The following PPOX variants were observed in gnomAD, a reference collection of about 807,000 sequenced individuals.
The protein encoded by PPOX is protoporphyrinogen oxidase, also known as variegate porphyria.
A neutral mutation model predicts 54.1 loss-of-function variants in PPOX; 23 were observed. The ratio of observed to expected loss-of-function variants is 0.43; its 90% CI spans 0.31 to 0.60. The LOEUF (loss-of-function observed/expected upper bound fraction) is 0.60. Ranked by LOEUF, PPOX falls within the 20% of genes least tolerant of loss-of-function variation. The pLI is 0.13. For missense variants in PPOX, 512 were observed against 601.1 expected, an observed-to-expected ratio of 0.85 and a Z score of 1.55; for synonymous variants, 224 against 236.1, an observed-to-expected ratio of 0.95 and a Z score of 0.47.
chr1:161,176,721 C>T (rs1055085223), intron 4 of PPOX: 1 of 728,762 alleles, frequency 1.4e-6, no homozygotes, highest in African/African-American at 1.8e-5. Flanking sequence ...GGTCCCTCGC[C>T]TATCTCCCGT....
At chr1:161,167,557 CTTTTT>C (rs397731347) in intron 4 of PPOX, 71 bp downstream of exon 4, 1,938 of 553,278 alleles carry the variant, frequency 3.5e-3, no homozygotes, top group East Asian at 5.5e-3. Flanking sequence ...TTCTTCTTTT[CTTTTT>C]TTTTTTTTTT....
chr1:161,177,341 C>T (rs191623447), downstream of PPOX: 6 of 485,188 alleles, frequency 1.2e-5, no homozygotes, highest in Non-Finnish European at 1.9e-5. Flanking sequence ...CGTCTCCAGG[C>T]GTTACCCAAA....
intron 11 of PPOX, 39 bp from the exon 12 acceptor site, chr1:161,170,868 A>C: frequency 6.2e-7 from 1 of 1,613,960 alleles, no homozygotes; most frequent in Admixed American, 1.7e-5. Context: ...TAGGACATCA[A>C]TAATAAACTT....
downstream of PPOX, chr1:161,171,940 G>A (rs1661594615): frequency 6.2e-7 from 1 of 1,614,208 alleles, no homozygotes; most frequent in Middle Eastern, 1.6e-4. Context: ...ACGTGGCCCA[G>A]AAGGAGCCCG....
At chr1:161,168,367 G>A (rs1490878507) in intron 5 of PPOX, 65 bp from the exon 6 acceptor site, 1 of 1,609,994 alleles carries the variant, frequency 6.2e-7, no homozygotes, top group East Asian at 2.2e-5. Flanking sequence ...CTACCAAATA[G>A]GGGCTGTGGA....
At position 161,169,041 on chromosome 1, in the gene PPOX, A is replaced by G. The variant is rs1317547948; in HGVS notation, c.665A>G (p.Glu222Gly). The change falls in exon 7 of 13, where the codon GAG (glutamate) becomes GGG (glycine). Residue 222 changes from glutamate (E) to glycine (G), a missense_variant. Glu to Gly is a moderately conservative substitution (Grantham distance 98). Coordinates refer to ENST00000367999, the MANE Select transcript of PPOX (RefSeq NM_001122764.3). The part of the protein sequence containing the change: ...DSALIRQALA[E>G]RWSQWSLRGG... ...GCACTCATTCGCCAGGCCTTGGCTG[A>G]GCGCTGGAGCCAGTGGTCACTTCGT... 3 of 1,614,210 alleles carry G rather than the reference A, an allele frequency of 1.9e-6. No individual in the cohort carries two copies. The highest frequency in any genetic ancestry group is 3.3e-5 in the Admixed American group (2 of 60,030).
downstream of PPOX, chr1:161,174,042 T>G (rs1209617337): frequency 6.2e-7 from 1 of 1,613,464 alleles, no homozygotes; most frequent in Non-Finnish European, 8.5e-7. Flanking sequence ...AAATGTTCCA[T>G]TTCCAGCCTG....
intron 9 of PPOX, 141 bp downstream of exon 9, chr1:161,170,165 A>C (rs1660679537): frequency 1.8e-6 from 2 of 1,101,148 alleles, no homozygotes; most frequent in Non-Finnish European, 2.6e-6. Context: ...TCTCTACGAA[A>C]AATACAAAAA....
At chr1:161,173,904 C>T (rs748981503), downstream of PPOX, 26 of 1,614,016 alleles carry the variant, frequency 1.6e-5, no homozygotes, top group African/African-American at 1.1e-4. Flanking sequence ...GCGGGGTCCC[C>T]GGGGGTCACA....
Position 161,170,627 on chromosome 1 carries a change from T to A in PPOX, c.1106T>A (p.Leu369Gln). Reference sequence around the variant, plus strand: ...GCTATATTCCCTCCTTAGGTGATGCTGGGAGGTTCCTGGTTACAGACACTG... The same window carrying A: ...GCTATATTCCCTCCTTAGGTGATGCAGGGAGGTTCCTGGTTACAGACACTG... ...SPPGLRVTVMLGGSWLQTLEA... is the reference protein window; with the variant it reads ...SPPGLRVTVMQGGSWLQTLEA... The change falls in exon 11 of 13, where the codon CTG (leucine) becomes CAG (glutamine). Residue 369 changes from leucine to glutamine, a missense_variant. Leu to Gln is a moderately radical substitution (Grantham distance 113, BLOSUM62 -2). Transcript: ENST00000367999. The A allele has an allele frequency of 6.2e-7, 1 of 1,614,194 alleles. No homozygotes were observed. Among genetic ancestry groups the A allele is most frequent in the South Asian group, 1.1e-5 (1 of 91,086 alleles).
At chr1:161,177,188 C>A, downstream of PPOX, 1 of 1,005,652 alleles carries the variant, frequency 9.9e-7, no homozygotes, top group Non-Finnish European at 1.4e-6. Context: ...GCGTGGTCCG[C>A]GCTGTGGAGG....
intron 8 of PPOX, 44 bp downstream of exon 8, chr1:161,169,764 A>G (rs780747686): frequency 6.2e-7 from 1 of 1,613,642 alleles, no homozygotes; most frequent in Non-Finnish European, 8.5e-7. Context: ...CCTACCAGTG[A>G]GAAGCAAAAG....
At position 161,171,088 on chromosome 1, in the gene PPOX, C is replaced by A. The variant is rs773740453; in HGVS notation, c.1346C>A (p.Ala449Asp). 2 of 1,614,136 alleles carry A rather than the reference C, an allele frequency of 1.2e-6. No homozygotes were observed. Among genetic ancestry groups the A allele is most frequent in the Non-Finnish European group, 1.7e-6 (2 of 1,180,042 alleles). ...AHRLPLTLAGASYEGVAVNDC... is the reference protein window; with the variant it reads ...AHRLPLTLAGDSYEGVAVNDC... ...AGGTTGCCCCTGACTCTGGCTGGAG[C>A]CTCCTATGAGGGAGTTGCTGTTAAT... Residue 449 changes from alanine to aspartate, a missense_variant, in exon 13 of 13, where the codon GCC becomes GAC. Physicochemically the swap from Ala to Asp is moderately radical, Grantham distance 126 (BLOSUM62 -2). Transcript: ENST00000367999.
intron 9 of PPOX, 38 bp downstream of exon 9, chr1:161,170,062 C>A: frequency 6.3e-7 from 1 of 1,588,072 alleles, no homozygotes; most frequent in South Asian, 1.1e-5. Context: ...CATGGTGGCT[C>A]ACACCTGTAA....
chr1:161,170,793 A>G, intron 11 of PPOX, 24 bp downstream of exon 11: 9 of 1,614,104 alleles, frequency 5.6e-6, no homozygotes, highest in Non-Finnish European at 7.6e-6. Flanking sequence ...AACTTCCCTC[A>G]GCTCTCCACT....
At position 161,176,541 on chromosome 1, in the gene PPOX, A is replaced by C. The variant is rs1270124786; in HGVS notation, c.373-308A>C. Reference sequence around the variant, plus strand: ...TGGAAATGTCACAGAGGGCAGAGAAAGGCTCCATCCAGCACTCCAGCAGCG... The same window carrying C: ...TGGAAATGTCACAGAGGGCAGAGAACGGCTCCATCCAGCACTCCAGCAGCG... On this transcript the variant is annotated intron_variant, in intron 4 of 4. Coordinates refer to the PPOX transcript ENST00000497522. 3 of 440,800 alleles carry C rather than the reference A, an allele frequency of 6.8e-6. No homozygotes were observed. In the Admixed American group the frequency reaches 1.2e-4, roughly 17 times the overall value. 27.3% of individuals were successfully genotyped at this position (440,800 alleles called of 1,614,324 possible).
chr1:161,177,289 C>A, downstream of PPOX: 1 of 574,128 alleles, frequency 1.7e-6, no homozygotes, highest in Non-Finnish European at 3.1e-6. Context: ...CCGCCCGGCC[C>A]CCGTCCATAC....
chr1:161,166,668 T>A lies in PPOX; in HGVS notation c.-13T>A, dbSNP rs902553540. 16 of 1,497,446 alleles carry A rather than the reference T, an allele frequency of 1.1e-5. No homozygotes were observed. The African/African-American group carries it at 2.2e-4, about 21-fold the overall frequency. The allele number at this position is 1,497,446 out of a possible 1,614,324, so 92.8% of individuals were successfully genotyped here. On this transcript the variant is annotated 5_prime_UTR_variant, in exon 1 of 13. Coordinates refer to ENST00000367999, the MANE Select transcript of PPOX (RefSeq NM_001122764.3). The stretch of plus-strand genomic sequence containing the variant: ...CTCATTTTCTCTCATCCCTACCTAT[T>A]GTGGGTGAGTCCTGGCCCCTGGACG...
rs1571320124 is a variant in PPOX, at chr1:161,166,570, G to A, written c.-111G>A. On this transcript the variant is annotated 5_prime_UTR_variant, in exon 1 of 13. Transcript: ENST00000367999. ...CCCGAGCCCTGCGAGGGCCGATAGC[G>A]AGGGTGTGGCCCTTATCTGCACCCA... is the stretch of plus-strand genomic sequence containing the variant. 2 of 1,408,392 alleles carry A rather than the reference G, an allele frequency of 1.4e-6. No individual in the cohort carries two copies. The highest frequency in any genetic ancestry group is 5.8e-5 in the Admixed American group (2 of 34,212). 87.2% of individuals were successfully genotyped at this position (1,408,392 alleles called of 1,614,324 possible).
Sources: allele counts gnomAD v4.1 joint callset, GRCh38; gene constraint gnomAD v4.1.1; transcripts MANE v1.5; gene names NCBI Gene and HGNC (gene_info 2026-07-23, HGNC 2026-07-21).